Variants in CLSTN2 observed in about 807,000 individuals in gnomAD.
CLSTN2 encodes the protein calsyntenin-2.
Under a neutral mutation model 101.2 loss-of-function variants are expected in CLSTN2, and 48 were observed. That is an observed-to-expected ratio of 0.47 (90% CI 0.38 to 0.60). CLSTN2 has a LOEUF of 0.60. CLSTN2 is among the 20% of genes least tolerant of loss of function. The pLI is 0.00. For missense variants in CLSTN2, 1,160 were observed against 1,238.2 expected, an observed-to-expected ratio of 0.94 and a Z score of 0.95; for synonymous variants, 481 against 463.6, an observed-to-expected ratio of 1.04 and a Z score of -0.48.
chr3:140,517,477 G>A (rs1934942077), intron 8 of CLSTN2, among the ~76,000 whole-genome samples: 1 of 152,166 alleles, frequency 6.6e-6, no homozygotes, highest in Non-Finnish European at 1.5e-5. Flanking sequence ...GGACTCAAGG[G>A]CTGCTGTTCA....
chr3:140,125,722 T>G (rs2009418527), intron 1 of CLSTN2, among the ~76,000 whole-genome samples: 1 of 152,144 alleles, frequency 6.6e-6, no homozygotes. Flanking sequence ...TGAGCCTCAT[T>G]GTCACTGTTT....
intron 2 of CLSTN2, among the ~76,000 whole-genome samples, chr3:140,308,839 C>A (rs946227933): frequency 9.9e-5 from 15 of 152,192 alleles, no homozygotes; most frequent in African/African-American, 3.6e-4. Context: ...CCCTTCCCAT[C>A]CTCCCCCATT....
intron 8 of CLSTN2, among the ~76,000 whole-genome samples, chr3:140,528,636 C>CAAA (rs3057900): frequency 1.3e-5 from 2 of 148,904 alleles, no homozygotes; most frequent in African/African-American, 5.1e-5. Flanking sequence ...GTGCCTCTGA[C>CAAA]AAAAAAAAGA....
chr3:140,453,741 T>C (rs540265201), intron 6 of CLSTN2, among the ~76,000 whole-genome samples: 1 of 152,322 alleles, frequency 6.6e-6, no homozygotes, highest in South Asian at 2.1e-4. Flanking sequence ...TGTACAATTG[T>C]TATGTGTCAA....
At chr3:140,368,242 C>T (rs964383743) in intron 2 of CLSTN2, among the ~76,000 whole-genome samples, 2 of 152,138 alleles carry the variant, frequency 1.3e-5, no homozygotes, top group African/African-American at 4.8e-5. Flanking sequence ...GTGTGCCCCC[C>T]AGAGCACTCC....
chr3:140,562,799 C>A lies in CLSTN2; in HGVS notation c.2213-12C>A. ...TCTGCCTTCTGATGACAGGTGTGGT[C>A]TCTTGGCACAGGTGTGGGCTCCATG... On this transcript the variant is annotated splice_polypyrimidine_tract_variant and intron_variant, in intron 13 of 16. Transcript: ENST00000458420. 1 of 1,613,296 alleles carries A rather than the reference C, an allele frequency of 6.2e-7. No homozygotes were observed. The highest frequency in any genetic ancestry group is 1.1e-5 in the South Asian group (1 of 90,994).
intron 1 of CLSTN2, among the ~76,000 whole-genome samples, chr3:139,970,129 G>C (rs940920907): frequency 6.6e-6 from 1 of 152,212 alleles, no homozygotes; most frequent in Admixed American, 6.5e-5. Context: ...AGATTTGGAT[G>C]TAATTTGGGC....
chr3:140,509,227 G>T (rs1934747768), intron 8 of CLSTN2, among the ~76,000 whole-genome samples: 1 of 152,186 alleles, frequency 6.6e-6, no homozygotes, highest in African/African-American at 2.4e-5. Context: ...GAGGACAAAT[G>T]TGGTCCAAAA....
chr3:140,237,908 C>T (rs572593813), intron 2 of CLSTN2, among the ~76,000 whole-genome samples: 10 of 152,236 alleles, frequency 6.6e-5, no homozygotes, highest in African/African-American at 2.2e-4. Flanking sequence ...AACAATTACT[C>T]AGTAATTTGA....
intron 8 of CLSTN2, among the ~76,000 whole-genome samples, chr3:140,481,894 A>G (rs1233182906): frequency 6.6e-6 from 1 of 152,222 alleles, no homozygotes; most frequent in African/African-American, 2.4e-5. Flanking sequence ...TCGTCTGCAA[A>G]CAGGGACAAT....
At chr3:139,982,032 G>A (rs7641861) in intron 1 of CLSTN2, among the ~76,000 whole-genome samples, 49,829 of 151,904 alleles carry the variant, frequency 0.33, 10,105 homozygotes, top group Non-Finnish European at 0.46. Context: ...GCAAGGAAGA[G>A]TAGACCTGAG....
In CLSTN2 at chr3:140,567,489, T is replaced by C. The variant is rs1576381401; in HGVS notation, c.*1236T>C. 6.6e-6 allele frequency: 1 copy of C among 152,294 alleles called. No homozygotes were observed. The highest frequency in any genetic ancestry group is 2.4e-5 in the African/African-American group (1 of 41,560). 9.4% of individuals were successfully genotyped at this position (152,294 alleles called of 1,614,324 possible). ...GGGCAAATATATCTGAAAACCTAATTTCTTTCTTTTTTTGATAAGGAAATC... is the reference window on the plus strand; with the variant it reads ...GGGCAAATATATCTGAAAACCTAATCTCTTTCTTTTTTTGATAAGGAAATC... On this transcript the variant is annotated 3_prime_UTR_variant, in exon 17 of 17. Coordinates refer to ENST00000458420, the MANE Select transcript of CLSTN2 (RefSeq NM_022131.3).
chr3:139,953,679 A>G (rs73867241), intron 1 of CLSTN2, among the ~76,000 whole-genome samples: 7,704 of 152,182 alleles, frequency 0.051, 610 homozygotes, highest in African/African-American at 0.17. Flanking sequence ...TGGGAGGATG[A>G]CTGAGGTATT....
At chr3:140,488,092 T>C (rs1934274455) in intron 8 of CLSTN2, among the ~76,000 whole-genome samples, 1 of 152,160 alleles carries the variant, frequency 6.6e-6, no homozygotes, top group South Asian at 2.1e-4. Flanking sequence ...CTAGCAACAG[T>C]ATGTCACATT....
chr3:140,195,555 GT>G (rs201821057), intron 2 of CLSTN2, among the ~76,000 whole-genome samples: 1,868 of 152,112 alleles, frequency 0.012, 42 homozygotes, highest in African/African-American at 0.042. Context: ...GAAAAAAATA[GT>G]TTTTAAAAAA....
chr3:140,411,784 C>A (rs149070214), intron 4 of CLSTN2, among the ~76,000 whole-genome samples: 1 of 152,170 alleles, frequency 6.6e-6, no homozygotes, highest in South Asian at 2.1e-4. Flanking sequence ...AGGATCCCTT[C>A]GAGGCAGCCT....
chr3:140,471,416 G>A (rs1345352797), intron 8 of CLSTN2, among the ~76,000 whole-genome samples: 4 of 152,214 alleles, frequency 2.6e-5, no homozygotes, highest in East Asian at 1.9e-4. Flanking sequence ...ACCAGCAAGC[G>A]CACAGGTACC....
intron 6 of CLSTN2, chr3:140,449,991 A>C (rs539521201): frequency 6.6e-6 from 1 of 152,524 alleles, no homozygotes; most frequent in Admixed American, 6.5e-5. Context: ...AGATGGCGCC[A>C]CAAGAAAGGA....
At chr3:140,431,658 T>C (rs564751385) in intron 5 of CLSTN2, among the ~76,000 whole-genome samples, 2 of 152,278 alleles carry the variant, frequency 1.3e-5, no homozygotes, top group South Asian at 4.1e-4. Flanking sequence ...TTCCTTCTGC[T>C]CCTCTTCCCT....
Sources: gnomAD v4.1 joint callset for allele counts (sites outside exome capture counted in the v4.1 genomes callset) on GRCh38, gnomAD v4.1.1 for gene constraint, MANE v1.5 for transcripts, NCBI Gene and HGNC (gene_info 2026-07-23, HGNC 2026-07-21) for gene names.